The following GAD2 variants were observed in gnomAD, a reference collection of about 807,000 sequenced individuals.
GAD2 encodes glutamate decarboxylase 2, also known as 65 kDa glutamic acid decarboxylase.
Under a neutral mutation model 80.1 loss-of-function variants are expected in GAD2, and 22 were observed. The observed-to-expected ratio is 0.27, with a 90% CI of 0.20 to 0.39. The LOEUF is 0.39. Ranked by LOEUF, GAD2 falls within the 10% of genes least tolerant of loss-of-function variation. GAD2 has a pLI of 1.00. For missense variants in GAD2, 624 were observed against 738.4 expected (o/e 0.85, Z 1.80); for synonymous variants, 274 against 256.9 (o/e 1.07, Z -0.64).
intron 7 of GAD2, among the ~76,000 whole-genome samples, chr10:26,234,957 C>T (rs1018030335): frequency 1.3e-5 from 2 of 152,176 alleles, no homozygotes; most frequent in Non-Finnish European, 2.9e-5. Flanking sequence ...ACTGCAATCT[C>T]TGCCTCCCTG....
At chr10:26,255,082 C>A (rs1564663910) in intron 8 of GAD2, among the ~76,000 whole-genome samples, 1 of 152,100 alleles carries the variant, frequency 6.6e-6, no homozygotes, top group Non-Finnish European at 1.5e-5. Flanking sequence ...CTAGGGAGGC[C>A]GTGCAGAAGG....
At position 26,217,741 on chromosome 10, in the gene GAD2, C is replaced by T; in HGVS notation, c.136+72C>T. On this transcript the variant is annotated intron_variant, in intron 2 of 15. Transcript: ENST00000376261. The surrounding 1 kb of genome is among the most constrained non-coding windows in gnomAD (Gnocchi z 4.9). ...AAGCAGTCTTCTCACCTCCGCATCC[C>T]AGTCAGCGGAGTCGGGGTTTCCTGG... The T allele has an allele frequency of 1.9e-6, 3 of 1,588,064 alleles. No homozygotes were observed. The highest frequency in any genetic ancestry group is 2.6e-6 in the Non-Finnish European group (3 of 1,165,104).
At chr10:26,269,561 G>A (rs989640782) in intron 9 of GAD2, among the ~76,000 whole-genome samples, 2 of 152,202 alleles carry the variant, frequency 1.3e-5, no homozygotes, top group Admixed American at 1.3e-4. Context: ...TTCCCGTGTA[G>A]GTGCATGCTG....
intron 8 of GAD2, among the ~76,000 whole-genome samples, chr10:26,249,938 G>C (rs1369949648): frequency 6.6e-6 from 1 of 152,192 alleles, no homozygotes; most frequent in Non-Finnish European, 1.5e-5. Context: ...GAAGGAGGCA[G>C]GAGGGGGATG....
At chr10:26,292,026 C>A (rs977459801) in intron 13 of GAD2, among the ~76,000 whole-genome samples, 2 of 152,140 alleles carry the variant, frequency 1.3e-5, no homozygotes, top group Non-Finnish European at 2.9e-5. Context: ...CACTGGCAGA[C>A]AAAGATGGGC....
Position 26,222,218 on chromosome 10 carries a change from CATCAGGGTGAATTGGCCTTCTG to C in GAD2, c.521-1666_521-1645del, listed in dbSNP as rs1428465354. Among the ~76,000 whole-genome samples the C allele has an allele frequency of 8.5e-5, 13 of 152,184 alleles. No individual in the cohort carries two copies. The East Asian group carries it at 2.5e-3, about 29-fold the overall frequency. On this transcript the variant is annotated intron_variant, in intron 4 of 15. Transcript: ENST00000376261. ...GTTTTCACTGTTTACGGAAAGTTAT[CATCAGGGTGAATTGGCCTTCTG>C]ATATCCAGAGGCACAACACACCCCT...
intron 13 of GAD2, among the ~76,000 whole-genome samples, chr10:26,291,994 C>A (rs1426340584): frequency 6.6e-6 from 1 of 152,128 alleles, no homozygotes; most frequent in African/African-American, 2.4e-5. Context: ...GAGCACCTAC[C>A]CAATTTTTTC....
At chr10:26,275,112 A>T (rs1245357804) in intron 11 of GAD2, among the ~76,000 whole-genome samples, 1 of 152,238 alleles carries the variant, frequency 6.6e-6, no homozygotes, top group Non-Finnish European at 1.5e-5. Flanking sequence ...AGCTTAAGGA[A>T]GAGGCAATGA....
intron 7 of GAD2, among the ~76,000 whole-genome samples, chr10:26,235,668 G>T (rs1046896631): frequency 2.0e-5 from 3 of 152,160 alleles, no homozygotes; most frequent in African/African-American, 4.8e-5. Flanking sequence ...CACATCCTTT[G>T]CTGGAATCTC....
intron 4 of GAD2, among the ~76,000 whole-genome samples, chr10:26,221,191 G>A (rs1004847545): frequency 2.6e-5 from 4 of 152,214 alleles, no homozygotes; most frequent in Middle Eastern, 3.2e-3. Flanking sequence ...TTTAGGGTAT[G>A]TCAAATTAGT....
chr10:26,294,587 T>C (rs933452035), intron 15 of GAD2, among the ~76,000 whole-genome samples: 117 of 152,184 alleles, frequency 7.7e-4, no homozygotes, highest in African/African-American at 2.7e-3. Context: ...ATGATTCCAA[T>C]GTGCACCTCA....
rs542947673 is a variant in GAD2 at position 26,283,277 on chromosome 10, G to A, written c.1236+2190G>A. Among the ~76,000 whole-genome samples the A allele has an allele frequency of 3.3e-5, 5 of 152,310 alleles. 1 individual carries two copies. In the East Asian group the frequency reaches 5.8e-4, roughly 18 times the overall value. ...TGTTTCAGATGAGAGGAGACTGGGA[G>A]GTAGAGTAAATGTGTGTAGGAATGG... On this transcript the variant is annotated intron_variant, in intron 12 of 15. Coordinates refer to ENST00000376261, the MANE Select transcript of GAD2 (RefSeq NM_001134366.2).
intron 15 of GAD2, among the ~76,000 whole-genome samples, chr10:26,296,970 A>G (rs1410024228): frequency 2.6e-5 from 4 of 152,040 alleles, no homozygotes; most frequent in Non-Finnish European, 4.4e-5. Flanking sequence ...GCTGGAGTAC[A>G]GTGGTGCCAT....
At position 26,217,796 on chromosome 10, in the gene GAD2, G is replaced by A. The variant is rs1184704077; in HGVS notation, c.137-46G>A. 1.0e-5 allele frequency: 16 copies of A among 1,580,768 alleles called. No individual in the cohort carries two copies. The highest frequency in any genetic ancestry group is 1.3e-5 in the Non-Finnish European group (15 of 1,162,776). Reference sequence around the variant, plus strand: ...GGGTAGGCGGGAGCGAGGGAGCCGGGCCCGGCGGAGGATTGACGAGGCCCG... The same window carrying A: ...GGGTAGGCGGGAGCGAGGGAGCCGGACCCGGCGGAGGATTGACGAGGCCCG... On this transcript the variant is annotated intron_variant, in intron 2 of 15. Transcript: ENST00000376261. The surrounding 1 kb of genome is among the most constrained non-coding windows in gnomAD (Gnocchi z 4.9).
chr10:26,237,534 G>A (rs996203034), intron 7 of GAD2, among the ~76,000 whole-genome samples: 13 of 151,972 alleles, frequency 8.6e-5, no homozygotes, highest in African/African-American at 2.2e-4. Context: ...ACCAGGAGAC[G>A]AGACAGAGGG....
intron 7 of GAD2, among the ~76,000 whole-genome samples, chr10:26,238,005 GAC>G (rs58551669): frequency 0.21 from 24,628 of 117,942 alleles, 2,226 homozygotes; most frequent in East Asian, 0.27. Context: ...CCATCACACA[GAC>G]ACACACACAC....
rs8190657 is a variant in GAD2 at position 26,242,586 on chromosome 10, G to A, written c.841-3335G>A. On this transcript the variant is annotated intron_variant, in intron 7 of 15. Coordinates refer to ENST00000376261, the MANE Select transcript of GAD2 (RefSeq NM_001134366.2). Reference sequence around the variant, plus strand: ...GGATTCCTTTCTATTTGTGAATAACGTTAAGCTATTTCTCTGCTCCCTTTC... The same window carrying A: ...GGATTCCTTTCTATTTGTGAATAACATTAAGCTATTTCTCTGCTCCCTTTC... Among the ~76,000 whole-genome samples the A allele has an allele frequency of 3.7e-3, 566 of 152,200 alleles. 5 individuals carry two copies. Among genetic ancestry groups the A allele is most frequent in the African/African-American group, 0.013 (544 of 41,524 alleles).
intron 13 of GAD2, 21 bp from the exon 14 acceptor site, chr10:26,292,439 ATGAGC>A: frequency 6.4e-7 from 1 of 1,563,884 alleles, no homozygotes; most frequent in Non-Finnish European, 8.8e-7. Flanking sequence ...AGCCTGCTTA[ATGAGC>A]TGTGTCCTTC....
chr10:26,263,459 C>A (rs1392662724), intron 8 of GAD2, among the ~76,000 whole-genome samples: 1 of 152,134 alleles, frequency 6.6e-6, no homozygotes, highest in African/African-American at 2.4e-5. Flanking sequence ...GACAGGCTAC[C>A]CATGTTGGTA....
Sources: gnomAD v4.1 joint callset for allele counts (sites outside exome capture counted in the v4.1 genomes callset) on GRCh38, gnomAD v4.1.1 for gene constraint, Gnocchi (gnomAD v3.1) non-coding constraint, MANE v1.5 for transcripts, NCBI Gene and HGNC (gene_info 2026-07-23, HGNC 2026-07-21) for gene names.